Variants in SPOCK1 observed in about 807,000 individuals in gnomAD.
SPOCK1 encodes the protein testican-1.
In SPOCK1, 23 loss-of-function variants were observed where a neutral mutation model predicts 55.3. The observed-to-expected ratio is 0.42, with a 90% confidence interval of 0.30 to 0.59. The LOEUF (loss-of-function observed/expected upper bound fraction) is 0.59, where lower values mean the gene tolerates loss of function less well. Among genes scored for constraint, SPOCK1 ranks in the 20% least tolerant of loss-of-function variants. The pLI is 0.22. For missense variants in SPOCK1, 499 were observed against 552.5 expected (o/e 0.90, Z 0.97); for synonymous variants, 226 against 221.0 (o/e 1.02, Z -0.20).
intron 2 of SPOCK1, among the ~76,000 whole-genome samples, chr5:137,309,316 A>T (rs1186100528): frequency 6.6e-6 from 1 of 152,192 alleles, no homozygotes; most frequent in Non-Finnish European, 1.5e-5. Context: ...AAGGGCAAAG[A>T]GTTCCTGGAA....
chr5:137,254,836 G>T (rs955904762), intron 3 of SPOCK1, among the ~76,000 whole-genome samples: 1 of 152,216 alleles, frequency 6.6e-6, no homozygotes, highest in African/African-American at 2.4e-5. Context: ...GACTGGCTCT[G>T]CCTGCCACTT....
intron 3 of SPOCK1, among the ~76,000 whole-genome samples, chr5:137,152,104 A>G (rs930930550): frequency 6.6e-6 from 1 of 152,168 alleles, no homozygotes; most frequent in Non-Finnish European, 1.5e-5. Flanking sequence ...GGCATCTACT[A>G]TTAGAAACCA....
intron 3 of SPOCK1, among the ~76,000 whole-genome samples, chr5:137,192,105 G>T (rs1246738501): frequency 1.3e-5 from 2 of 151,684 alleles, no homozygotes; most frequent in Non-Finnish European, 2.9e-5. Context: ...GGGCGTGGCG[G>T]CGTGCACCTG....
At chr5:137,186,664 G>A (rs576115928) in intron 3 of SPOCK1, among the ~76,000 whole-genome samples, 1 of 152,344 alleles carries the variant, frequency 6.6e-6, no homozygotes, top group South Asian at 2.1e-4. Flanking sequence ...GTGGAGCCAA[G>A]ACTTCCAGTC....
intron 3 of SPOCK1, among the ~76,000 whole-genome samples, chr5:137,238,810 A>G (rs1370423442): frequency 6.6e-6 from 1 of 152,240 alleles, no homozygotes; most frequent in East Asian, 1.9e-4. Flanking sequence ...TGGGGGCAAC[A>G]CTAAAATACA....
intron 2 of SPOCK1, among the ~76,000 whole-genome samples, chr5:137,358,447 A>C (rs1199663973): frequency 7.8e-5 from 3 of 38,650 alleles, no homozygotes; most frequent in Non-Finnish European, 1.5e-4. Context: ...GGAGGGAGGG[A>C]GGGAGGGAAG....
intron 5 of SPOCK1, among the ~76,000 whole-genome samples, chr5:137,077,875 C>T (rs1242491866): frequency 2.0e-5 from 3 of 152,140 alleles, no homozygotes; most frequent in Non-Finnish European, 4.4e-5. Context: ...TGAAAGTGGA[C>T]AGGAAGAGGT....
chr5:136,989,186 C>G (rs1750900725), intron 7 of SPOCK1, among the ~76,000 whole-genome samples: 1 of 152,248 alleles, frequency 6.6e-6, no homozygotes, highest in African/African-American at 2.4e-5. Flanking sequence ...GTTCCCCACT[C>G]TTCTCTTCTG....
Position 137,127,915 on chromosome 5 carries a change from T to A in SPOCK1, c.347+12665A>T, listed in dbSNP as rs1329053083. Among the ~76,000 whole-genome samples, 4 of 152,194 alleles carry A rather than the reference T, an allele frequency of 2.6e-5. No individual in the cohort carries two copies. In the East Asian group the frequency reaches 7.7e-4, roughly 29 times the overall value. ...ATTAAGACGTTTATGGCTATTGAGA[T>A]AGAATGAGTGTATTTTGCATATGAA... On this transcript the variant is annotated intron_variant, in intron 4 of 10. Transcript: ENST00000394945.
intron 2 of SPOCK1, among the ~76,000 whole-genome samples, chr5:137,296,777 G>A (rs766387222): frequency 6.6e-6 from 1 of 152,182 alleles, no homozygotes; most frequent in Non-Finnish European, 1.5e-5. Flanking sequence ...GCAGAATCTT[G>A]ACACAGGCTC....
At chr5:137,162,413 A>T (rs1035650825) in intron 3 of SPOCK1, among the ~76,000 whole-genome samples, 1 of 152,154 alleles carries the variant, frequency 6.6e-6, no homozygotes, top group Admixed American at 6.5e-5. Context: ...TGCTGGGATT[A>T]CAGGTGTGAG....
intron 6 of SPOCK1, among the ~76,000 whole-genome samples, chr5:137,033,851 G>C (rs962428589): frequency 1.3e-5 from 2 of 152,094 alleles, no homozygotes; most frequent in African/African-American, 2.4e-5. Flanking sequence ...TGATCCTCTT[G>C]CTTGGCCTCC....
intron 6 of SPOCK1, among the ~76,000 whole-genome samples, chr5:137,005,566 A>C (rs1751232448): frequency 1.3e-5 from 2 of 152,190 alleles, no homozygotes; most frequent in Non-Finnish European, 2.9e-5. Context: ...AGAGATAAGG[A>C]GTCAATGAGG....
At chr5:137,336,732 A>C (rs1357871503) in intron 2 of SPOCK1, among the ~76,000 whole-genome samples, 1 of 152,202 alleles carries the variant, frequency 6.6e-6, no homozygotes, top group Non-Finnish European at 1.5e-5. Context: ...CTTACATCCA[A>C]AGGAGGCTTG....
At chr5:137,023,500 A>G (rs937192699) in intron 6 of SPOCK1, among the ~76,000 whole-genome samples, 1 of 152,168 alleles carries the variant, frequency 6.6e-6, no homozygotes, top group African/African-American at 2.4e-5. Flanking sequence ...TGATAGGCTA[A>G]CTATTGCTGT....
At chr5:137,070,491 C>A (rs536500769) in intron 5 of SPOCK1, among the ~76,000 whole-genome samples, 2 of 152,296 alleles carry the variant, frequency 1.3e-5, no homozygotes, top group African/African-American at 4.8e-5. Context: ...TAAACAGCTG[C>A]TGAATGACAA....
At chr5:137,079,543 C>T (rs116465136) in intron 5 of SPOCK1, among the ~76,000 whole-genome samples, 5,441 of 147,928 alleles carry the variant, frequency 0.037, 419 homozygotes, top group East Asian at 0.13. Context: ...TCCCCCCCCC[C>T]CCGACTTAGT....
intron 8 of SPOCK1, 25 bp downstream of exon 8, chr5:136,988,397 A>AC: frequency 2.5e-6 from 4 of 1,603,846 alleles, no homozygotes; most frequent in Non-Finnish European, 3.4e-6. Flanking sequence ...TGGGCTAGGG[A>AC]CCCCAACCCT....
chr5:137,193,895 C>G (rs1432797478), intron 3 of SPOCK1, among the ~76,000 whole-genome samples: 1 of 152,060 alleles, frequency 6.6e-6, no homozygotes, highest in Non-Finnish European at 1.5e-5. Context: ...AATTTATTTC[C>G]CCTTTAAGGA....
Sources: gnomAD v4.1 joint callset for allele counts (sites outside exome capture counted in the v4.1 genomes callset) on GRCh38, gnomAD v4.1.1 for gene constraint, MANE v1.5 for transcripts, NCBI Gene and HGNC (gene_info 2026-07-23, HGNC 2026-07-21) for gene names.